The following NFAT5 variants were observed in gnomAD, a reference collection of about 807,000 sequenced individuals.
NFAT5 encodes the protein nuclear factor of activated T cells 5.
A neutral mutation model predicts 166.5 loss-of-function variants in NFAT5; 31 were observed. The ratio of observed to expected loss-of-function variants is 0.19; its 90% CI spans 0.14 to 0.25. The LOEUF (loss-of-function observed/expected upper bound fraction) is 0.25, where lower values mean the gene tolerates loss of function less well. Ranked by LOEUF, NFAT5 falls within the 10% of genes least tolerant of loss-of-function variation. The pLI, the probability that NFAT5 is intolerant of heterozygous loss-of-function variation, is 1.00. For synonymous variants in NFAT5, 612 were observed against 639.7 expected, an observed-to-expected ratio of 0.96 and a Z score of 0.65; for missense variants, 1,449 against 1,821.8, an observed-to-expected ratio of 0.80 and a Z score of 3.72.
intron 3 of NFAT5, among the ~76,000 whole-genome samples, 179 bp downstream of exon 3, chr16:69,626,707 T>G (rs2034475945): frequency 6.6e-6 from 1 of 152,252 alleles, no homozygotes; most frequent in South Asian, 2.1e-4. Flanking sequence ...AATGTAATTC[T>G]TATTTCTTAA....
chr16:69,648,870 A>G, intron 4 of NFAT5: 2 of 920,856 alleles, frequency 2.2e-6, no homozygotes, highest in South Asian at 5.0e-5. Flanking sequence ...TATTCTTAAT[A>G]TATATTTAAC....
intron 3 of NFAT5, among the ~76,000 whole-genome samples, chr16:69,640,437 G>A (rs753004550): frequency 6.6e-6 from 1 of 152,146 alleles, no homozygotes; most frequent in African/African-American, 2.4e-5. Context: ...ATGAAGGTTG[G>A]CATGTAAGGT....
chr16:69,590,328 A>G (rs1374858769), intron 2 of NFAT5, among the ~76,000 whole-genome samples: 1 of 152,226 alleles, frequency 6.6e-6, no homozygotes, highest in African/African-American at 2.4e-5. Context: ...TTGCTATGGT[A>G]TGCAACAAAG....
intron 2 of NFAT5, among the ~76,000 whole-genome samples, chr16:69,609,731 G>A (rs1428124094): frequency 9.3e-5 from 14 of 150,092 alleles, no homozygotes; most frequent in African/African-American, 1.2e-4. Context: ...CTGTAATACC[G>A]GCACTTCGAG....
chr16:69,582,050 A>G (rs2142932960), intron 2 of NFAT5, among the ~76,000 whole-genome samples: 1 of 152,262 alleles, frequency 6.6e-6, no homozygotes, highest in African/African-American at 2.4e-5. Flanking sequence ...GGATCATTTG[A>G]GGTCAGGAGT....
intron 4 of NFAT5, chr16:69,648,273 T>C (rs1039772361): frequency 1.9e-5 from 19 of 985,192 alleles, no homozygotes; most frequent in Non-Finnish European, 2.0e-5. Context: ...TATGTTCTCT[T>C]TCCAATTGTG....
intron 14 of NFAT5, among the ~76,000 whole-genome samples, chr16:69,695,850 A>G (rs1255726597): frequency 3.3e-5 from 5 of 152,174 alleles, no homozygotes; most frequent in Non-Finnish European, 5.9e-5. Flanking sequence ...CAGGCTCACA[A>G]CATGCAGTTT....
intron 2 of NFAT5, among the ~76,000 whole-genome samples, chr16:69,595,083 G>A (rs1276239879): frequency 2.0e-5 from 3 of 152,124 alleles, no homozygotes; most frequent in African/African-American, 7.2e-5. Flanking sequence ...TGACTCAAAT[G>A]TTAATCTCCT....
At chr16:69,569,832 A>G (rs72801308) in intron 2 of NFAT5, among the ~76,000 whole-genome samples, 8,961 of 152,282 alleles carry the variant, frequency 0.059, 288 homozygotes, top group Middle Eastern at 0.11. Flanking sequence ...GCCCATAGAT[A>G]TACATTAGTA....
At chr16:69,681,293 G>C (rs955828633) in intron 10 of NFAT5, among the ~76,000 whole-genome samples, 1 of 152,174 alleles carries the variant, frequency 6.6e-6, no homozygotes, top group Non-Finnish European at 1.5e-5. Flanking sequence ...TTACGGGTTG[G>C]AGTAGAAGTG....
intron 2 of NFAT5, among the ~76,000 whole-genome samples, chr16:69,616,219 A>G (rs2033937363): frequency 6.6e-6 from 1 of 151,878 alleles, no homozygotes; most frequent in Non-Finnish European, 1.5e-5. Context: ...AAGGCCTCAC[A>G]TGCCCTCCTC....
chr16:69,592,927 G>C (rs2032563004), intron 2 of NFAT5, among the ~76,000 whole-genome samples: 1 of 152,156 alleles, frequency 6.6e-6, no homozygotes, highest in Non-Finnish European at 1.5e-5. Flanking sequence ...TCTATTTCCT[G>C]TCTGGGTGCT....
At chr16:69,612,308 C>T (rs2033740909) in intron 2 of NFAT5, among the ~76,000 whole-genome samples, 1 of 151,912 alleles carries the variant, frequency 6.6e-6, no homozygotes, top group African/African-American at 2.4e-5. Context: ...GAAATAGATA[C>T]AAAGATGATT....
chr16:69,672,760 G>A (rs1429697865), intron 9 of NFAT5, among the ~76,000 whole-genome samples: 2 of 152,116 alleles, frequency 1.3e-5, no homozygotes, highest in Non-Finnish European at 2.9e-5. Context: ...CAGTACTTTT[G>A]TATGCTATGA....
intron 2 of NFAT5, among the ~76,000 whole-genome samples, chr16:69,601,219 G>A (rs1333967291): frequency 6.6e-6 from 1 of 151,872 alleles, no homozygotes; most frequent in Non-Finnish European, 1.5e-5. Context: ...ATATGTTGGT[G>A]CTTATTCTTT....
chr16:69,580,338 G>A (rs2031589536), intron 2 of NFAT5, among the ~76,000 whole-genome samples: 1 of 151,926 alleles, frequency 6.6e-6, no homozygotes, highest in Non-Finnish European at 1.5e-5. Flanking sequence ...GACCAGCCTG[G>A]GCAATACAGT....
At chr16:69,602,036 C>T (rs2033157531) in intron 2 of NFAT5, among the ~76,000 whole-genome samples, 1 of 152,194 alleles carries the variant, frequency 6.6e-6, no homozygotes, top group South Asian at 2.1e-4. Flanking sequence ...TTTGGATTCA[C>T]ATCTTTGCTC....
intron 7 of NFAT5, among the ~76,000 whole-genome samples, chr16:69,660,810 CTT>C (rs981895956): frequency 1.9e-5 from 2 of 106,306 alleles, no homozygotes; most frequent in Non-Finnish European, 3.8e-5. Context: ...CTCTCTCTCT[CTT>C]TTTTTTTTCT....
chr16:69,670,366 C>A, intron 9 of NFAT5, 78 bp downstream of exon 9: 1 of 856,998 alleles, frequency 1.2e-6, no homozygotes, highest in Non-Finnish European at 1.8e-6. Flanking sequence ...TTTCCTGAAT[C>A]AATAGATTAA....
Sources: allele counts gnomAD v4.1 joint callset (sites outside exome capture counted in the v4.1 genomes callset), GRCh38; gene constraint gnomAD v4.1.1; transcripts MANE v1.5; gene names NCBI Gene and HGNC (gene_info 2026-07-23, HGNC 2026-07-21).